ITGBL1: variants seen among roughly 807,000 people sequenced by gnomAD.
ITGBL1 encodes the protein integrin subunit beta like 1, also known as integrin beta-like protein 1.
Under a neutral mutation model 68.5 loss-of-function variants are expected in ITGBL1, and 51 were observed. The ratio of observed to expected loss-of-function variants is 0.74; its 90% CI spans 0.59 to 0.94. The LOEUF (loss-of-function observed/expected upper bound fraction) is 0.94, where lower values mean the gene tolerates loss of function less well. ITGBL1 is among the 40% of genes least tolerant of loss of function. ITGBL1 has a pLI of 0.00. For synonymous variants in ITGBL1, 209 were observed against 227.3 expected (o/e 0.92, Z 0.72); for missense variants, 649 against 647.4 (o/e 1.00, Z -0.03).
chr13:101,645,297 C>T (rs1351855103), intron 7 of ITGBL1, among the ~76,000 whole-genome samples: 1 of 152,120 alleles, frequency 6.6e-6, no homozygotes, highest in Non-Finnish European at 1.5e-5. Flanking sequence ...CAAGGGAAAA[C>T]AAAACGACAT....
At chr13:101,560,990 C>G (rs902469435) in intron 2 of ITGBL1, among the ~76,000 whole-genome samples, 12 of 152,242 alleles carry the variant, frequency 7.9e-5, no homozygotes, top group Admixed American at 7.2e-4. Flanking sequence ...TAAAAATCCC[C>G]ATGTGTTTCT....
chr13:101,671,447 G>GTTTTT (rs1313845131), intron 7 of ITGBL1, among the ~76,000 whole-genome samples: 5 of 103,628 alleles, frequency 4.8e-5, no homozygotes, highest in African/African-American at 2.1e-4. Context: ...GTTTTTTTTT[G>GTTTTT]TTTTTTTTTG....
chr13:101,456,207 C>G lies in ITGBL1; in HGVS notation c.316+2107C>G, dbSNP rs150039480. 9.0e-4 allele frequency among the ~76,000 whole-genome samples: 137 copies of G among 152,242 alleles called. 4 individuals are homozygous for G. The East Asian group carries it at 0.025, about 28-fold the overall frequency. On this transcript the variant is annotated intron_variant, in intron 2 of 10. Transcript: ENST00000376180. ...TGAAATGCTTCTCTTTATTTTAATA[C>G]TGAATGGAATAATGAAGTTCATTTT...
At chr13:101,481,127 C>T (rs1490716966) in intron 2 of ITGBL1, among the ~76,000 whole-genome samples, 1 of 143,630 alleles carries the variant, frequency 7.0e-6, no homozygotes, top group African/African-American at 2.6e-5. Context: ...CATATATATA[C>T]ACATGTGCAT....
intron 2 of ITGBL1, among the ~76,000 whole-genome samples, chr13:101,512,674 G>A (rs1305550225): frequency 1.3e-5 from 2 of 152,054 alleles, no homozygotes; most frequent in Non-Finnish European, 2.9e-5. Context: ...AGTGCTGCAA[G>A]GAAATGTAGT....
At chr13:101,695,463 A>T (rs1189532579) in intron 8 of ITGBL1, among the ~76,000 whole-genome samples, 1 of 152,244 alleles carries the variant, frequency 6.6e-6, no homozygotes, top group Non-Finnish European at 1.5e-5. Flanking sequence ...TCTAAAGGTG[A>T]CAGGAAACCA....
At chr13:101,590,512 C>T (rs570146093) in intron 6 of ITGBL1, among the ~76,000 whole-genome samples, 19 of 152,230 alleles carry the variant, frequency 1.2e-4, no homozygotes, top group African/African-American at 4.1e-4. Context: ...GGTCCCGCAT[C>T]GGCTAGATGT....
At chr13:101,605,036 A>G (rs1358425518) in intron 7 of ITGBL1, among the ~76,000 whole-genome samples, 1 of 117,356 alleles carries the variant, frequency 8.5e-6, no homozygotes, top group East Asian at 2.6e-4. Flanking sequence ...GTATATATAC[A>G]TATACGCATA....
chr13:101,565,288 C>T (rs959847211), intron 2 of ITGBL1, among the ~76,000 whole-genome samples: 5 of 151,978 alleles, frequency 3.3e-5, no homozygotes, highest in Non-Finnish European at 5.9e-5. Context: ...CTCTTACTAA[C>T]CTTAGAAAAA....
chr13:101,655,125 G>A (rs1301694460), intron 7 of ITGBL1, among the ~76,000 whole-genome samples: 1 of 152,164 alleles, frequency 6.6e-6, no homozygotes, highest in African/African-American at 2.4e-5. Flanking sequence ...AGTGATGCAA[G>A]GAATGATGCA....
chr13:101,566,655 G>A (rs1273825313), intron 2 of ITGBL1, among the ~76,000 whole-genome samples: 1 of 152,046 alleles, frequency 6.6e-6, no homozygotes, highest in Non-Finnish European at 1.5e-5. Flanking sequence ...CCAACCATCT[G>A]GACCTTATCC....
chr13:101,639,477 C>T (rs868478593), intron 7 of ITGBL1, among the ~76,000 whole-genome samples: 2 of 152,180 alleles, frequency 1.3e-5, no homozygotes, highest in Middle Eastern at 6.8e-3. Flanking sequence ...TAAATTACAG[C>T]TCACAGATAT....
intron 7 of ITGBL1, among the ~76,000 whole-genome samples, chr13:101,620,456 A>T (rs904515649): frequency 6.6e-5 from 10 of 152,170 alleles, no homozygotes; most frequent in Non-Finnish European, 1.3e-4. Context: ...TCAACTTCTT[A>T]AATGTGGGCT....
chr13:101,688,038 A>C (rs2033795464), intron 7 of ITGBL1, among the ~76,000 whole-genome samples: 1 of 152,100 alleles, frequency 6.6e-6, no homozygotes, highest in African/African-American at 2.4e-5. Flanking sequence ...ACAGTAAAAC[A>C]ATCACTGAAA....
intron 2 of ITGBL1, among the ~76,000 whole-genome samples, chr13:101,505,982 C>T (rs974629272): frequency 1.3e-5 from 2 of 152,224 alleles, no homozygotes; most frequent in Admixed American, 6.5e-5. Context: ...GGCTGCATGT[C>T]GGCCCTGGGA....
chr13:101,453,739 C>A, intron 1 of ITGBL1, 144 bp from the exon 2 acceptor site: 2 of 422,700 alleles, frequency 4.7e-6, no homozygotes, highest in East Asian at 4.2e-5. Flanking sequence ...CGCTTGGACC[C>A]CAGAGAGATG....
At chr13:101,707,097 G>A (rs113713519) in intron 9 of ITGBL1, among the ~76,000 whole-genome samples, 195 bp downstream of exon 9, 1 of 152,238 alleles carries the variant, frequency 6.6e-6, no homozygotes, top group African/African-American at 2.4e-5. Flanking sequence ...GCGTGTGAGA[G>A]GATTCATGCA....
At chr13:101,559,060 AC>A (rs2139231370) in intron 2 of ITGBL1, among the ~76,000 whole-genome samples, 1 of 151,944 alleles carries the variant, frequency 6.6e-6, no homozygotes, top group African/African-American at 2.4e-5. Context: ...TTATTAGAAA[AC>A]CCCCTAATTT....
chr13:101,484,148 A>G (rs563282451), intron 2 of ITGBL1, among the ~76,000 whole-genome samples: 1 of 152,222 alleles, frequency 6.6e-6, no homozygotes, highest in South Asian at 2.1e-4. Context: ...AACTCCCAGA[A>G]GCAACATTTT....
Sources: allele counts gnomAD v4.1 joint callset (sites outside exome capture counted in the v4.1 genomes callset), GRCh38; gene constraint gnomAD v4.1.1; transcripts MANE v1.5; gene names NCBI Gene and HGNC (gene_info 2026-07-23, HGNC 2026-07-21).